The following TULP3 variants were observed in gnomAD, a reference collection of about 807,000 sequenced individuals.
TULP3 encodes the protein tubby-related protein 3.
TULP3 carries 38 observed loss-of-function variants against 50.7 expected under a neutral mutation model. The observed-to-expected ratio is 0.75, with a 90% CI of 0.58 to 0.98. TULP3 has a LOEUF of 0.98. Ranked by LOEUF, TULP3 falls within the 50% of genes least tolerant of loss-of-function variation. The probability of loss-of-function intolerance (pLI) is 0.00; values close to 1 mark genes in which losing one functional copy is unlikely to be tolerated. For synonymous variants in TULP3, 183 were observed against 196.6 expected (o/e 0.93, Z 0.58); for missense variants, 550 against 568.0 (o/e 0.97, Z 0.32).
chr12:2,913,219 GTGTA>G (rs1337014180), intron 2 of TULP3, among the ~76,000 whole-genome samples: 189 of 148,512 alleles, frequency 1.3e-3, no homozygotes, highest in African/African-American at 4.3e-3. Flanking sequence ...GTGTGTGTGT[GTGTA>G]TGTGTGTGTG....
chr12:2,898,433 G>A (rs533048794), intron 1 of TULP3, among the ~76,000 whole-genome samples: 1 of 152,146 alleles, frequency 6.6e-6, no homozygotes, highest in Non-Finnish European at 1.5e-5. Flanking sequence ...CCTAGCAGCG[G>A]GGACTATAGG....
rs776892524 is a variant in TULP3, at chr12:2,930,316, C to T, written c.463C>T (p.Pro155Ser). ...ATCCCAGTCAGCATGTTTAGAAAGA[C>T]CCAATTCTGCATCAAGCCAGAATTC... ...GISQSACLERPNSASSQNSTD... is the reference protein window; with the variant it reads ...GISQSACLERSNSASSQNSTD... The change falls in exon 5 of 11, where the codon CCC (proline) becomes TCC (serine). Residue 155 changes from proline (P) to serine (S), a missense_variant. Transcript: ENST00000448120. 14 of 1,612,540 alleles carry T rather than the reference C, an allele frequency of 8.7e-6. No individual in the cohort carries two copies. Among genetic ancestry groups the T allele is most frequent in the Non-Finnish European group, 1.1e-5 (13 of 1,179,204 alleles).
chr12:2,892,213 C>G (rs1038837757), intron 1 of TULP3, among the ~76,000 whole-genome samples: 1 of 151,640 alleles, frequency 6.6e-6, no homozygotes, highest in African/African-American at 2.4e-5. Context: ...TTTCCTTTTT[C>G]GTCAAGTTCT....
chr12:2,900,052 T>G (rs1014344622), intron 1 of TULP3, among the ~76,000 whole-genome samples: 24 of 130,596 alleles, frequency 1.8e-4, no homozygotes, highest in Admixed American at 1.3e-3. Flanking sequence ...CCGTCTCTAC[T>G]AAAAATACAA....
In TULP3 at chr12:2,933,351, A is replaced by C. The variant is rs553191722; in HGVS notation, c.697-67A>C. On this transcript the variant is annotated intron_variant, in intron 6 of 10. Coordinates refer to ENST00000448120, the MANE Select transcript of TULP3 (RefSeq NM_003324.5). ...CACTGGCTGAATGAATATGTAGGAC[A>C]ACCATGACCAGAGGTGGGGCAGGTT... The C allele has an allele frequency of 2.6e-4, 250 of 948,670 alleles. 3 individuals are homozygous for C. In the South Asian group the frequency reaches 3.3e-3, roughly 12 times the overall value. The allele number at this position is 948,670 out of a possible 1,614,324, so 58.8% of individuals were successfully genotyped here. A position where few individuals can be genotyped will look rare whatever the true frequency, so the allele number is the denominator to read the frequency against.
chr12:2,928,774 C>A lies in TULP3; in HGVS notation c.395-1474C>A, dbSNP rs1591535583. Among the ~76,000 whole-genome samples, 3 of 152,132 alleles carry A rather than the reference C, an allele frequency of 2.0e-5. No individual in the cohort carries two copies. In the South Asian group the frequency reaches 6.2e-4, roughly 32 times the overall value. On this transcript the variant is annotated intron_variant, in intron 4 of 10. Coordinates refer to ENST00000448120, the MANE Select transcript of TULP3 (RefSeq NM_003324.5). Reference sequence around the variant, plus strand: ...CCTGACCAACATGGTGAAACCCTGTCTCTACTAAAAATACAAAAAAATTAG... The same window carrying A: ...CCTGACCAACATGGTGAAACCCTGTATCTACTAAAAATACAAAAAAATTAG...
chr12:2,923,002 C>T (rs980961701), intron 4 of TULP3, among the ~76,000 whole-genome samples: 8 of 151,890 alleles, frequency 5.3e-5, no homozygotes, highest in Non-Finnish European at 1.0e-4. Flanking sequence ...TACAGGCGCC[C>T]GCCACCACGC....
At chr12:2,920,203 G>C (rs150716153) in intron 2 of TULP3, among the ~76,000 whole-genome samples, 192 of 152,210 alleles carry the variant, frequency 1.3e-3, no homozygotes, top group African/African-American at 4.5e-3. Context: ...ATCTTTAGTA[G>C]ACTTGGTTAC....
At chr12:2,899,745 T>C (rs567218015) in intron 1 of TULP3, among the ~76,000 whole-genome samples, 21 of 151,572 alleles carry the variant, frequency 1.4e-4, no homozygotes, top group Non-Finnish European at 2.8e-4. Context: ...TACAAAAAAT[T>C]AGCCGGGTGT....
intron 2 of TULP3, among the ~76,000 whole-genome samples, chr12:2,911,082 A>G (rs530355690): frequency 1.3e-5 from 2 of 149,616 alleles, no homozygotes; most frequent in East Asian, 3.9e-4. Context: ...ATATAGATAC[A>G]TTTTCTGAGT....
At chr12:2,910,041 C>G (rs547103869) in intron 2 of TULP3, among the ~76,000 whole-genome samples, 1 of 152,324 alleles carries the variant, frequency 6.6e-6, no homozygotes, top group East Asian at 1.9e-4. Flanking sequence ...GCCTGTCATC[C>G]CAGCACTGTG....
intron 2 of TULP3, among the ~76,000 whole-genome samples, chr12:2,910,007 G>A (rs940148714): frequency 3.0e-4 from 46 of 152,138 alleles, no homozygotes; most frequent in African/African-American, 8.9e-4. Flanking sequence ...AATCTCCATC[G>A]CAGGGCCGGG....
At position 2,920,772 on chromosome 12, in the gene TULP3, C is replaced by T; in HGVS notation, c.103C>T (p.Leu35Phe). ...QAKLDYQRLL[L>F]EKRQRKKRLE... ...ATCGCTTTTTTCCCAGAGGCTACTA[C>T]TTGAGAAGAGGCAAAGGAAAAAGCG... Residue 35 changes from leucine (L) to phenylalanine (F), a missense_variant, in exon 3 of 11, where the codon CTT (leucine) becomes TTT (phenylalanine). Transcript: ENST00000448120. 1.2e-6 allele frequency: 2 copies of T among 1,614,130 alleles called. No homozygotes were observed. Among genetic ancestry groups the T allele is most frequent in the Non-Finnish European group, 1.7e-6 (2 of 1,180,016 alleles).
At chr12:2,906,015 C>G in intron 1 of TULP3, among the ~76,000 whole-genome samples, 1 of 145,738 alleles carries the variant, frequency 6.9e-6, no homozygotes, top group African/African-American at 2.6e-5. Context: ...GAGCCAGACC[C>G]TGTGTAAAAA....
In TULP3 at chr12:2,931,062, C is replaced by T. The variant is rs759598411; in HGVS notation, c.518C>T (p.Thr173Ile). The change falls in exon 6 of 11, where the codon ACT (threonine) becomes ATT (isoleucine). Residue 173 changes from threonine to isoleucine, a missense_variant. By Grantham distance (89) the Thr-to-Ile change is moderately conservative. Transcript: ENST00000448120. ...STDTGTSGSA[T>I]AAQPADNLLG... ...GATACAGGCACTTCCGGTTCTGCTA[C>T]TGCCGCCCAACCAGCTGATAACCTC... 1.9e-6 allele frequency: 3 copies of T among 1,614,032 alleles called. No homozygotes were observed. Among genetic ancestry groups the T allele is most frequent in the Admixed American group, 3.3e-5 (2 of 59,986 alleles).
At chr12:2,892,851 A>ATTTTC (rs939171852) in intron 1 of TULP3, among the ~76,000 whole-genome samples, 1 of 142,498 alleles carries the variant, frequency 7.0e-6, no homozygotes, top group Non-Finnish European at 1.5e-5. Context: ...TTTAAATTTT[A>ATTTTC]TTTTCTTTTC....
intron 2 of TULP3, among the ~76,000 whole-genome samples, chr12:2,910,243 G>C (rs10848735): frequency 0.48 from 72,536 of 151,840 alleles, 17,791 homozygotes; most frequent in African/African-American, 0.6. Flanking sequence ...CAGTGAGGCG[G>C]AGCTTGCAGT....
intron 2 of TULP3, among the ~76,000 whole-genome samples, chr12:2,916,032 GA>G (rs1228875511): frequency 6.6e-6 from 1 of 151,946 alleles, no homozygotes; most frequent in Non-Finnish European, 1.5e-5. Flanking sequence ...TATTTATTTT[GA>G]GATGGTTGCT....
At chr12:2,937,274 C>T (rs1353297365) in intron 8 of TULP3, among the ~76,000 whole-genome samples, 9 of 111,532 alleles carry the variant, frequency 8.1e-5, no homozygotes, top group Non-Finnish European at 5.0e-5. Flanking sequence ...TGGAGTGCAA[C>T]GGCGTGATCT....
Sources: gnomAD v4.1 joint callset for allele counts (sites outside exome capture counted in the v4.1 genomes callset) on GRCh38, gnomAD v4.1.1 for gene constraint, MANE v1.5 for transcripts, NCBI Gene and HGNC (gene_info 2026-07-23, HGNC 2026-07-21) for gene names.